The following CDCP1 variants were observed in gnomAD, a reference collection of about 807,000 sequenced individuals.
CDCP1 encodes the protein CUB domain containing protein 1, also known as CUB domain-containing protein 1.
Under a neutral mutation model 60.2 loss-of-function variants are expected in CDCP1, and 29 were observed. The ratio of observed to expected loss-of-function variants is 0.48; its 90% CI spans 0.36 to 0.66. The LOEUF (loss-of-function observed/expected upper bound fraction) is 0.66. Ranked by LOEUF, CDCP1 falls within the 30% of genes least tolerant of loss-of-function variation. The pLI is 0.00. For missense variants in CDCP1, 876 were observed against 1,074.3 expected, an observed-to-expected ratio of 0.82 and a Z score of 2.58; for synonymous variants, 387 against 431.1, an observed-to-expected ratio of 0.90 and a Z score of 1.27.
At chr3:45,143,031 C>T (rs528779153) in intron 1 of CDCP1, among the ~76,000 whole-genome samples, 40 of 152,276 alleles carry the variant, frequency 2.6e-4, no homozygotes, top group African/African-American at 8.4e-4. Flanking sequence ...GGTGAAACCC[C>T]GTTTCTACTA....
At chr3:45,108,762 TATATATATGCATGTATAC>T (rs1698619067) in intron 4 of CDCP1, among the ~76,000 whole-genome samples, 1 of 70,930 alleles carries the variant, frequency 1.4e-5, no homozygotes, top group African/African-American at 5.5e-5. Flanking sequence ...TGCATGTATA[TATATATATGCATGTATAC>T]ATATATATGC....
Position 45,085,944 on chromosome 3 carries a change from T to C in CDCP1, c.2205A>G (p.Ala735=). The C allele has an allele frequency of 6.2e-7, 1 of 1,614,230 alleles. No homozygotes were observed. ...CATATACCATGGTGTCCTCGATGAC[T>C]GCATACACATGGGAGTCATTGTCCT... is the stretch of plus-strand genomic sequence containing the variant. The part of the protein sequence containing the change: ...GRKDNDSHVY[A]VIEDTMVYGH... Residue 735 remains alanine, a synonymous_variant, in exon 9 of 9, where the codon GCA becomes GCG. Transcript: ENST00000296129. This position sits in a 1 kb window ranked among gnomAD's most constrained non-coding sequence, Gnocchi z 4.2.
chr3:45,146,430 C>A (rs999401794), upstream of CDCP1: 2 of 616,354 alleles, frequency 3.2e-6, no homozygotes, highest in East Asian at 3.5e-5. Flanking sequence ...CCCTGCGCAG[C>A]AGGATCGCGA....
intron 1 of CDCP1, among the ~76,000 whole-genome samples, chr3:45,126,108 C>CTTTCTTTCTTTCTT (rs1553610965): frequency 0.016 from 1,790 of 109,768 alleles, 28 homozygotes; most frequent in Non-Finnish European, 0.021. Flanking sequence ...TTGTCTCTCT[C>CTTTCTTTCTTTCTT]TCTTTCTTTC....
At chr3:45,146,087 T>G in intron 1 of CDCP1, 119 bp downstream of exon 1, 1 of 742,260 alleles carries the variant, frequency 1.3e-6, no homozygotes, top group Non-Finnish European at 2.0e-6. Flanking sequence ...GTCCCCGCCC[T>G]CTCTCCGCAC....
intron 1 of CDCP1, among the ~76,000 whole-genome samples, chr3:45,119,174 T>C (rs1475461663): frequency 1.3e-5 from 2 of 152,288 alleles, no homozygotes; most frequent in East Asian, 3.9e-4. Flanking sequence ...TATAATCATA[T>C]TATATCAATG....
chr3:45,135,768 C>CT (rs1212420523), intron 1 of CDCP1, among the ~76,000 whole-genome samples: 2 of 152,194 alleles, frequency 1.3e-5, no homozygotes, highest in Admixed American at 1.3e-4. Context: ...TCCTCTTTCT[C>CT]TTGTCTTGCC....
chr3:45,138,694 C>T (rs1441265875), intron 1 of CDCP1, among the ~76,000 whole-genome samples: 3 of 151,968 alleles, frequency 2.0e-5, no homozygotes, highest in African/African-American at 2.4e-5. Flanking sequence ...ACTAAAAATA[C>T]AAAAATTAGC....
intron 2 of CDCP1, among the ~76,000 whole-genome samples, chr3:45,114,787 T>A (rs1698757337): frequency 6.6e-6 from 1 of 152,228 alleles, no homozygotes; most frequent in Admixed American, 6.5e-5. Flanking sequence ...TGATGCTGAT[T>A]TCAGAATGAT....
intron 1 of CDCP1, among the ~76,000 whole-genome samples, chr3:45,141,961 A>G (rs964013243): frequency 6.6e-6 from 1 of 152,050 alleles, no homozygotes; most frequent in African/African-American, 2.4e-5. Context: ...CATCCTGCGT[A>G]GCTGGGATTA....
In CDCP1 at chr3:45,110,404, C is replaced by A. The variant is rs1057234885; in HGVS notation, c.1024+69G>T. On this transcript the variant is annotated intron_variant, in intron 4 of 8. Coordinates refer to ENST00000296129, the MANE Select transcript of CDCP1 (RefSeq NM_022842.5). ...TGAGAAACAGGAAGGGAGCCTCACC[C>A]AGGCAGACTACCCAGGAAACAACGA... 6 of 1,566,392 alleles carry A rather than the reference C, an allele frequency of 3.8e-6. No individual in the cohort carries two copies. In the African/African-American group the frequency reaches 5.4e-5, roughly 14 times the overall value.
At chr3:45,138,060 A>C (rs1325571227) in intron 1 of CDCP1, among the ~76,000 whole-genome samples, 2 of 152,328 alleles carry the variant, frequency 1.3e-5, no homozygotes, top group Non-Finnish European at 2.9e-5. Context: ...GATAGCTGCA[A>C]TCCCCAGGAG....
chr3:45,093,686 C>T, intron 5 of CDCP1, 29 bp from the exon 6 acceptor site: 1 of 1,583,728 alleles, frequency 6.3e-7, no homozygotes, highest in Non-Finnish European at 8.6e-7. Flanking sequence ...GCTAGCCATG[C>T]ACAAAGGAGA....
At chr3:45,107,995 G>A (rs1320537011) in intron 4 of CDCP1, among the ~76,000 whole-genome samples, 1 of 152,026 alleles carries the variant, frequency 6.6e-6, no homozygotes, top group Non-Finnish European at 1.5e-5. Context: ...GCAGGCGCCT[G>A]TAATCCCAGC....
rs745463570 is a variant in CDCP1, at chr3:45,112,140, A to G, written c.598T>C (p.Trp200Arg). The change falls in exon 3 of 9, where the codon TGG becomes CGG. Residue 200 changes from tryptophan (W) to arginine (R), a missense_variant. By Grantham distance (101) the Trp-to-Arg change is moderately radical. This residue lies in a region of CDCP1 where 726 missense variants were observed against 935.7 expected (regional missense o/e 0.78). Coordinates refer to ENST00000296129, the MANE Select transcript of CDCP1 (RefSeq NM_022842.5). ...EGVKMALHLP[W>R]FHPRNVSGFS... is the part of the protein sequence containing the mutation. ...CCGGAGACATTTCTGGGGTGGAACC[A>G]TGGGAGGTGTAAGGCCATTTTCACT... is the stretch of plus-strand genomic sequence containing the variant. 6.2e-7 allele frequency: 1 copy of G among 1,614,180 alleles called. No individual in the cohort carries two copies. The highest frequency in any genetic ancestry group is 8.5e-7 in the Non-Finnish European group (1 of 1,180,018).
At chr3:45,107,587 C>T (rs1342086618) in intron 4 of CDCP1, among the ~76,000 whole-genome samples, 1 of 152,182 alleles carries the variant, frequency 6.6e-6, no homozygotes, top group Admixed American at 6.5e-5. Context: ...TCACTACCTG[C>T]CAGGCACTGT....
chr3:45,110,038 C>A (rs1698660740), intron 4 of CDCP1, among the ~76,000 whole-genome samples: 1 of 152,244 alleles, frequency 6.6e-6, no homozygotes, highest in African/African-American at 2.4e-5. Flanking sequence ...TAAAGATTAG[C>A]TGAGATTGTG....
Position 45,122,679 on chromosome 3 carries a change from C to T in CDCP1, c.83-4058G>A, listed in dbSNP as rs538359012. Among the ~76,000 whole-genome samples, 26 of 152,170 alleles carry T rather than the reference C, an allele frequency of 1.7e-4. No homozygotes were observed. In the South Asian group the frequency reaches 3.3e-3, roughly 19 times the overall value. The stretch of plus-strand genomic sequence containing the variant: ...ATGTTGGCTGGGCTGGTCTTGAACT[C>T]CTGGCCTCAAGTGATTTGCCCACCT... On this transcript the variant is annotated intron_variant, in intron 1 of 8. Coordinates refer to ENST00000296129, the MANE Select transcript of CDCP1 (RefSeq NM_022842.5).
intron 4 of CDCP1, among the ~76,000 whole-genome samples, chr3:45,098,355 T>C (rs1020080401): frequency 3.3e-5 from 5 of 152,074 alleles, no homozygotes; most frequent in African/African-American, 9.7e-5. Flanking sequence ...GCTATTTATA[T>C]GTACAGATTT....
Sources: gnomAD v4.1 joint callset for allele counts (sites outside exome capture counted in the v4.1 genomes callset) on GRCh38, gnomAD v4.1.1 for gene constraint, gnomAD v4.1.1 regional missense constraint, Gnocchi (gnomAD v3.1) non-coding constraint, MANE v1.5 for transcripts, NCBI Gene and HGNC (gene_info 2026-07-23, HGNC 2026-07-21) for gene names.